The following GATAD1 variants were observed in gnomAD, a reference collection of about 807,000 sequenced individuals.
GATAD1 encodes GATA zinc finger domain containing 1.
A neutral mutation model predicts 26.5 loss-of-function variants in GATAD1; 12 were observed. That is an observed-to-expected ratio of 0.45 (90% CI 0.29 to 0.73). The LOEUF (loss-of-function observed/expected upper bound fraction) is 0.73, where lower values mean the gene tolerates loss of function less well. Ranked by LOEUF, GATAD1 falls within the 30% of genes least tolerant of loss-of-function variation. The pLI is 0.10. For missense variants in GATAD1, 266 were observed against 342.1 expected (o/e 0.78, Z 1.75); for synonymous variants, 129 against 133.1 (o/e 0.97, Z 0.21).
rs1319855249 is a variant in GATAD1 at position 92,456,671 on chromosome 7, C to T, written c.*109C>T. The T allele has an allele frequency of 1.6e-6, 1 of 608,248 alleles. No homozygotes were observed. Among genetic ancestry groups the T allele is most frequent in the East Asian group, 2.9e-5 (1 of 34,432 alleles). 37.7% of individuals were successfully genotyped at this position (608,248 alleles called of 1,614,324 possible). A position where few individuals can be genotyped will look rare whatever the true frequency, so the allele number is the denominator to read the frequency against. On this transcript the variant is annotated 3_prime_UTR_variant, in exon 5 of 5. Coordinates refer to ENST00000287957, the MANE Select transcript of GATAD1 (RefSeq NM_021167.5). ...TGGGCAATGGAGTCAGATTCTCTTT[C>T]TTAAAAAACCACAAAAAAACTGGAT...
the GATAD1 span, chr7:92,493,560 G>C: frequency 6.4e-6 from 1 of 157,032 alleles, no homozygotes; most frequent in African/African-American, 2.4e-5. Context: ...GATTGCTTGA[G>C]CCTGGGCCAT....
the GATAD1 span, among the ~76,000 whole-genome samples, chr7:92,477,073 C>T: frequency 6.6e-6 from 1 of 152,164 alleles, no homozygotes; most frequent in African/African-American, 2.4e-5. Flanking sequence ...ACTGTTGAGA[C>T]TTCTGGCTAC....
chr7:92,471,567 T>G, the GATAD1 span: 1 of 152,210 alleles, frequency 6.6e-6, no homozygotes, highest in South Asian at 2.1e-4. Context: ...GTACTGGGGC[T>G]TGGTTTCCCG....
At chr7:92,465,344 G>T in the GATAD1 span, among the ~76,000 whole-genome samples, 93 of 152,336 alleles carry the variant, frequency 6.1e-4, 1 homozygote, top group East Asian at 0.017. Flanking sequence ...TTGGCTGGGT[G>T]CAGTGGCTCA....
the GATAD1 span, among the ~76,000 whole-genome samples, chr7:92,480,877 G>A: frequency 1.3e-5 from 2 of 152,138 alleles, no homozygotes; most frequent in Non-Finnish European, 2.9e-5. Flanking sequence ...TTATTAAAGA[G>A]GCATTAATGA....
At chr7:92,490,195 A>G in the GATAD1 span, 7 of 399,686 alleles carry the variant, frequency 1.8e-5, no homozygotes, top group Admixed American at 8.3e-5. Flanking sequence ...GCCCAAGGAC[A>G]GGTTTCTTCA....
At chr7:92,483,638 G>A in the GATAD1 span, among the ~76,000 whole-genome samples, 20 of 152,370 alleles carry the variant, frequency 1.3e-4, no homozygotes, top group South Asian at 2.1e-4. Flanking sequence ...GAAAAAGAGC[G>A]TAAACGCTAA....
At chr7:92,493,170 T>G in the GATAD1 span, 3 of 1,082,360 alleles carry the variant, frequency 2.8e-6, no homozygotes, top group Non-Finnish European at 4.1e-6. Context: ...AAAAATAAAA[T>G]TAAAAATATT....
the GATAD1 span, chr7:92,473,032 A>T: frequency 6.6e-6 from 1 of 152,148 alleles, no homozygotes; most frequent in Non-Finnish European, 1.5e-5. Flanking sequence ...CTATCCCTGA[A>T]CCCTTGGGGT....
the GATAD1 span, among the ~76,000 whole-genome samples, chr7:92,477,212 A>G: frequency 1.3e-5 from 2 of 152,154 alleles, no homozygotes; most frequent in Admixed American, 1.3e-4. Context: ...CCAACCCAGA[A>G]GGGTTGGGGG....
the GATAD1 span, among the ~76,000 whole-genome samples, chr7:92,483,669 TAAAG>T: frequency 4.6e-5 from 7 of 152,296 alleles, no homozygotes; most frequent in East Asian, 1.3e-3. Flanking sequence ...AGAGGTCAGA[TAAAG>T]AAAAAGGAGC....
intron 3 of GATAD1, among the ~76,000 whole-genome samples, chr7:92,453,261 A>C (rs1789516704): frequency 1.3e-5 from 2 of 152,190 alleles, no homozygotes; most frequent in Admixed American, 1.3e-4. Context: ...AATGAATTAC[A>C]CTGTTCCCGT....
chr7:92,470,006 C>T, the GATAD1 span: 2 of 778,326 alleles, frequency 2.6e-6, no homozygotes, highest in African/African-American at 3.4e-5. Flanking sequence ...ACATGTTTTT[C>T]TCTTGCCTGA....
chr7:92,494,051 A>ATT, the GATAD1 span: 2 of 464,120 alleles, frequency 4.3e-6, no homozygotes, highest in East Asian at 4.1e-5. Flanking sequence ...GGTTTCTTGC[A>ATT]TTTTTTTTTC....
intron 3 of GATAD1, 49 bp from the exon 4 acceptor site, chr7:92,454,453 G>T (rs753314550): frequency 1.4e-6 from 2 of 1,381,010 alleles, no homozygotes; most frequent in Non-Finnish European, 2.1e-6. Context: ...TCATAGCTGT[G>T]ATGTTCTATT....
At chr7:92,448,671 C>A in intron 1 of GATAD1, 81 bp from the exon 2 acceptor site, 2 of 1,070,500 alleles carry the variant, frequency 1.9e-6, no homozygotes, top group Non-Finnish European at 2.9e-6. Flanking sequence ...ACTCTGGGAT[C>A]CTTGTAAGAT....
At chr7:92,468,294 C>T in the GATAD1 span, 3 of 176,874 alleles carry the variant, frequency 1.7e-5, no homozygotes, top group South Asian at 1.5e-4. Flanking sequence ...TGGGAGTCAG[C>T]GGCGGGTCTG....
chr7:92,465,858 C>G, the GATAD1 span, among the ~76,000 whole-genome samples: 1 of 151,418 alleles, frequency 6.6e-6, no homozygotes, highest in Non-Finnish European at 1.5e-5. Context: ...AAAATTAGCC[C>G]GGCGTGGTGG....
At chr7:92,482,095 A>G in the GATAD1 span, among the ~76,000 whole-genome samples, 1 of 152,210 alleles carries the variant, frequency 6.6e-6, no homozygotes, top group Non-Finnish European at 1.5e-5. Context: ...AGAGAGGTGG[A>G]AAGAAAGTAA....
Sources: allele counts gnomAD v4.1 joint callset (sites outside exome capture counted in the v4.1 genomes callset), GRCh38; gene constraint gnomAD v4.1.1; transcripts MANE v1.5; gene names NCBI Gene and HGNC (gene_info 2026-07-23, HGNC 2026-07-21).